The following ENTREP2 variants were observed in gnomAD, a reference collection of about 807,000 sequenced individuals.
ENTREP2 encodes endosomal transmembrane epsin interactor 2, also known as protein ENTREP2.
chr15:29,260,251 C>T, the ENTREP2 span, among the ~76,000 whole-genome samples: 6 of 152,158 alleles, frequency 3.9e-5, no homozygotes, highest in Non-Finnish European at 5.9e-5. Context: ...TACCCTGGTA[C>T]CGAAGTCAGA....
the ENTREP2 span, among the ~76,000 whole-genome samples, chr15:29,460,416 G>A: frequency 2.0e-5 from 3 of 152,156 alleles, no homozygotes; most frequent in Non-Finnish European, 4.4e-5. Flanking sequence ...GGATCACCTT[G>A]AGGTCAGGAA....
At chr15:29,222,211 A>G in the ENTREP2 span, among the ~76,000 whole-genome samples, 1 of 152,216 alleles carries the variant, frequency 6.6e-6, no homozygotes, top group Non-Finnish European at 1.5e-5. Flanking sequence ...TGGTGACAAG[A>G]GTGATCTCTG....
the ENTREP2 span, among the ~76,000 whole-genome samples, chr15:29,503,653 T>C: frequency 1.8e-4 from 27 of 152,204 alleles, no homozygotes; most frequent in African/African-American, 4.8e-5. Context: ...CAGCCAGCTA[T>C]GCTAGAGCAA....
chr15:29,607,232 A>T, the ENTREP2 span, among the ~76,000 whole-genome samples: 2 of 151,564 alleles, frequency 1.3e-5, no homozygotes, highest in South Asian at 4.2e-4. Flanking sequence ...CTTCATGAGG[A>T]AAACCTATTA....
the ENTREP2 span, among the ~76,000 whole-genome samples, chr15:29,575,829 C>T: frequency 6.6e-6 from 1 of 152,126 alleles, no homozygotes; most frequent in Non-Finnish European, 1.5e-5. Flanking sequence ...GAAAACATTG[C>T]TCAAATAAAT....
At chr15:29,145,835 G>C in the ENTREP2 span, among the ~76,000 whole-genome samples, 1 of 152,120 alleles carries the variant, frequency 6.6e-6, no homozygotes, top group East Asian at 1.9e-4. Context: ...AATCAGGAAA[G>C]AAGACAAGAT....
chr15:29,310,256 G>A, the ENTREP2 span, among the ~76,000 whole-genome samples: 1 of 152,164 alleles, frequency 6.6e-6, no homozygotes, highest in Non-Finnish European at 1.5e-5. Flanking sequence ...TCAAGTCTGG[G>A]GTGATGGGGT....
the ENTREP2 span, among the ~76,000 whole-genome samples, chr15:29,459,803 C>T: frequency 6.6e-6 from 1 of 152,214 alleles, no homozygotes; most frequent in African/African-American, 2.4e-5. Context: ...TCCATTAACA[C>T]AGCTTCTAAT....
the ENTREP2 span, among the ~76,000 whole-genome samples, chr15:29,240,199 C>T: frequency 2.0e-5 from 3 of 152,030 alleles, no homozygotes; most frequent in South Asian, 4.2e-4. Context: ...CCTGTCTCTA[C>T]TAAAAATACA....
At chr15:29,660,900 G>A in the ENTREP2 span, among the ~76,000 whole-genome samples, 1 of 152,138 alleles carries the variant, frequency 6.6e-6, no homozygotes, top group Non-Finnish European at 1.5e-5. Flanking sequence ...TTATAGGTGG[G>A]TTCCAGAAGG....
At chr15:29,579,276 T>C in the ENTREP2 span, among the ~76,000 whole-genome samples, 1 of 152,200 alleles carries the variant, frequency 6.6e-6, no homozygotes, top group Non-Finnish European at 1.5e-5. Flanking sequence ...AAATAAGCAT[T>C]AGGATGCACT....
chr15:29,657,483 C>CAGGGCGGGGCGGGGGG, the ENTREP2 span, among the ~76,000 whole-genome samples: 5 of 69,434 alleles, frequency 7.2e-5, no homozygotes, highest in African/African-American at 3.0e-4. Context: ...GCTGGGGGGG[C>CAGGGCGGGGCGGGGGG]GGGGGGGGGG....
chr15:29,573,826 C>T, the ENTREP2 span, among the ~76,000 whole-genome samples: 5 of 152,076 alleles, frequency 3.3e-5, no homozygotes, highest in Non-Finnish European at 7.3e-5. Context: ...GGAGCTCTGT[C>T]CAAATCAATG....
At chr15:29,574,938 T>A in the ENTREP2 span, among the ~76,000 whole-genome samples, 1 of 152,150 alleles carries the variant, frequency 6.6e-6, no homozygotes, top group Non-Finnish European at 1.5e-5. Context: ...GGACTTTTTT[T>A]AAGTATCTCC....
the ENTREP2 span, among the ~76,000 whole-genome samples, chr15:29,237,155 T>C: frequency 6.6e-6 from 1 of 152,182 alleles, no homozygotes; most frequent in South Asian, 2.1e-4. Flanking sequence ...GAAGAAGCTT[T>C]TGACAAAATG....
the ENTREP2 span, among the ~76,000 whole-genome samples, chr15:29,274,301 A>G: frequency 6.6e-6 from 1 of 152,178 alleles, no homozygotes; most frequent in Non-Finnish European, 1.5e-5. Flanking sequence ...CTCACAAATA[A>G]ACTGTCACAG....
chr15:29,435,147 C>A, the ENTREP2 span, among the ~76,000 whole-genome samples: 1 of 152,120 alleles, frequency 6.6e-6, no homozygotes, highest in South Asian at 2.1e-4. Context: ...AACGTGTTTG[C>A]TTCTTTCAGT....
the ENTREP2 span, among the ~76,000 whole-genome samples, chr15:29,623,016 T>G: frequency 6.6e-6 from 1 of 152,200 alleles, no homozygotes; most frequent in Non-Finnish European, 1.5e-5. Context: ...CGATGATGTT[T>G]GAGTTCCTAG....
the ENTREP2 span, among the ~76,000 whole-genome samples, chr15:29,540,601 A>G: frequency 6.6e-6 from 1 of 152,260 alleles, no homozygotes; most frequent in African/African-American, 2.4e-5. Flanking sequence ...CTATCTGAAT[A>G]GAAATAGAAA....
Sources: gnomAD v4.1 joint callset for allele counts (sites outside exome capture counted in the v4.1 genomes callset) on GRCh38, gnomAD v4.1.1 for gene constraint, MANE v1.5 for transcripts, NCBI Gene and HGNC (gene_info 2026-07-23, HGNC 2026-07-21) for gene names.